The following CTNNAL1 variants were observed in gnomAD, a reference collection of about 807,000 sequenced individuals.
The protein encoded by CTNNAL1 is alpha-catulin.
Under a neutral mutation model 93.6 loss-of-function variants are expected in CTNNAL1, and 69 were observed. The ratio of observed to expected loss-of-function variants is 0.74; its 90% CI spans 0.61 to 0.90. The LOEUF (loss-of-function observed/expected upper bound fraction) is 0.90, where lower values mean the gene tolerates loss of function less well. Ranked by LOEUF, CTNNAL1 falls within the 40% of genes least tolerant of loss-of-function variation. The probability of loss-of-function intolerance (pLI) is 0.00; values close to 1 mark genes in which losing one functional copy is unlikely to be tolerated. For synonymous variants in CTNNAL1, 286 were observed against 305.4 expected, an observed-to-expected ratio of 0.94 and a Z score of 0.66; for missense variants, 836 against 862.0, an observed-to-expected ratio of 0.97 and a Z score of 0.38.
intron 1 of CTNNAL1, among the ~76,000 whole-genome samples, chr9:109,005,263 G>GA (rs990286747): frequency 4.0e-4 from 58 of 146,402 alleles, no homozygotes; most frequent in Middle Eastern, 3.5e-3. Flanking sequence ...ACTATCACAT[G>GA]AAAAAAAAAA....
chr9:108,993,596 C>T (rs535481995), intron 2 of CTNNAL1, among the ~76,000 whole-genome samples: 3 of 152,286 alleles, frequency 2.0e-5, no homozygotes, highest in East Asian at 1.9e-4. Context: ...TTCACTGTTG[C>T]TATCAAAACT....
At chr9:108,967,446 T>C (rs1326140730) in intron 10 of CTNNAL1, among the ~76,000 whole-genome samples, 1 of 152,188 alleles carries the variant, frequency 6.6e-6, no homozygotes, top group Non-Finnish European at 1.5e-5. Context: ...TAGTAGGCAC[T>C]GTGCCCACGT....
At chr9:108,972,868 G>GGGGGGGGGGGCCCCCCCCCCCGGC in intron 8 of CTNNAL1, 35 bp from the exon 9 acceptor site, 1 of 1,092,792 alleles carries the variant, frequency 9.2e-7, no homozygotes, top group East Asian at 3.3e-5. Flanking sequence ...GGGTGGGAGG[G>GGGGGGGGGGGCCCCCCCCCCCGGC]TGGAGAAGGA....
chr9:108,981,085 G>A (rs1027274981), intron 6 of CTNNAL1, among the ~76,000 whole-genome samples: 3 of 152,256 alleles, frequency 2.0e-5, no homozygotes, highest in African/African-American at 7.2e-5. Context: ...TGGCGAGAGG[G>A]CAGCAGCCAG....
At chr9:109,000,272 A>C (rs1392808198) in intron 1 of CTNNAL1, among the ~76,000 whole-genome samples, 3 of 152,314 alleles carry the variant, frequency 2.0e-5, no homozygotes, top group East Asian at 1.9e-4. Flanking sequence ...GTTCCTAAGG[A>C]TGTATCAGTG....
chr9:109,007,127 T>G (rs969150352), intron 1 of CTNNAL1, among the ~76,000 whole-genome samples: 1 of 151,422 alleles, frequency 6.6e-6, no homozygotes, highest in Non-Finnish European at 1.5e-5. Flanking sequence ...CCCAACTACT[T>G]GGGAGGCAGA....
At chr9:108,988,507 T>C (rs1355839475) in intron 4 of CTNNAL1, among the ~76,000 whole-genome samples, 3 of 152,200 alleles carry the variant, frequency 2.0e-5, no homozygotes, top group African/African-American at 4.8e-5. Context: ...ATTCTCAACA[T>C]GGCAGCTAGA....
rs112976880 is a variant in CTNNAL1 at position 108,984,995 on chromosome 9, C to G, written c.640-559G>C. Among the ~76,000 whole-genome samples, 394 of 152,254 alleles carry G rather than the reference C, an allele frequency of 2.6e-3. 2 individuals carry two copies. Among genetic ancestry groups the G allele is most frequent in the African/African-American group, 8.9e-3 (371 of 41,536 alleles). On this transcript the variant is annotated intron_variant, in intron 4 of 18. Transcript: ENST00000325551. Reference sequence around the variant, plus strand: ...TTCTTGGGTAGATAATTTTCCCCAACAAGATTGAAAAGGAACACCTAAGAA... The same window carrying G: ...TTCTTGGGTAGATAATTTTCCCCAAGAAGATTGAAAAGGAACACCTAAGAA...
At chr9:108,972,864 G>GGGGGGGGGGGGGGGGCCCCCCCCCCCCCC in intron 8 of CTNNAL1, 31 bp from the exon 9 acceptor site, 1 of 142,578 alleles carries the variant, frequency 7.0e-6, no homozygotes, top group Non-Finnish European at 1.0e-5. Context: ...GGGGGGGTGG[G>GGGGGGGGGGGGGGGGCCCCCCCCCCCCCC]AGGGTGGAGA....
At position 108,984,340 on chromosome 9, in the gene CTNNAL1, G is replaced by A; in HGVS notation, c.729+7C>T. ...TTTATTACACAGTAAAACCAAAATT[G>A]TCTTACCTTTGAAGCTGTGAGAAGC... On this transcript the variant is annotated splice_region_variant and intron_variant, in intron 5 of 18. Coordinates refer to ENST00000325551, the MANE Select transcript of CTNNAL1 (RefSeq NM_003798.4). 1.3e-6 allele frequency: 2 copies of A among 1,558,226 alleles called. No individual in the cohort carries two copies. Among genetic ancestry groups the A allele is most frequent in the Non-Finnish European group, 1.8e-6 (2 of 1,132,346 alleles).
chr9:109,010,534 C>T (rs72758396), intron 1 of CTNNAL1, among the ~76,000 whole-genome samples: 18,766 of 152,182 alleles, frequency 0.12, 1,532 homozygotes, highest in Middle Eastern at 0.19. Context: ...TCTGTAGATA[C>T]TCTATCAGGT....
Position 108,992,645 on chromosome 9 carries a change from G to A in CTNNAL1, c.506C>T (p.Thr169Ile), listed in dbSNP as rs767870415. The A allele has an allele frequency of 6.2e-7, 1 of 1,610,214 alleles. No homozygotes were observed. Among genetic ancestry groups the A allele is most frequent in the South Asian group, 1.1e-5 (1 of 90,252 alleles). The change falls in exon 3 of 19, where the codon ACA (threonine) becomes ATA (isoleucine). Residue 169 changes from threonine (T) to isoleucine (I), a missense_variant. Transcript: ENST00000325551. The stretch of plus-strand genomic sequence containing the variant: ...AAAGGTAAGTACCTTATTTCTTGAT[G>A]TTATTATCTGTTTAATGACTACTCG... ...ADRVVIKQII[T>I]SRNKVLATME...
At chr9:108,964,711 A>G (rs934894862) in intron 11 of CTNNAL1, among the ~76,000 whole-genome samples, 2 of 152,194 alleles carry the variant, frequency 1.3e-5, no homozygotes, top group South Asian at 2.1e-4. Flanking sequence ...GAATTAAAAC[A>G]TAGAATTACT....
intron 8 of CTNNAL1, 31 bp from the exon 9 acceptor site, chr9:108,972,864 G>GGGGGGGGGGGGCCCCCCCCCCCC: frequency 8.4e-5 from 12 of 142,518 alleles, no homozygotes; most frequent in African/African-American, 1.9e-4. Context: ...GGGGGGGTGG[G>GGGGGGGGGGGGCCCCCCCCCCCC]AGGGTGGAGA....
chr9:108,953,211 C>T (rs1181902755), intron 12 of CTNNAL1, among the ~76,000 whole-genome samples: 1 of 152,190 alleles, frequency 6.6e-6, no homozygotes, highest in Admixed American at 6.5e-5. Flanking sequence ...TTAGACCAGG[C>T]TAGTCCACTG....
At chr9:109,012,487 C>T (rs2132230861) in intron 1 of CTNNAL1, among the ~76,000 whole-genome samples, 1 of 152,308 alleles carries the variant, frequency 6.6e-6, no homozygotes, top group African/African-American at 2.4e-5. Context: ...TGGCATCTTA[C>T]CACAGACCTA....
At chr9:108,977,096 T>C in intron 7 of CTNNAL1, 48 bp from the exon 8 acceptor site, 2 of 806,128 alleles carry the variant, frequency 2.5e-6, no homozygotes, top group Non-Finnish European at 3.8e-6. Context: ...ATCTCTTTAA[T>C]CTGTTAATTA....
chr9:108,984,995 C>T (rs112976880), intron 4 of CTNNAL1, among the ~76,000 whole-genome samples: 1 of 152,138 alleles, frequency 6.6e-6, no homozygotes, highest in Non-Finnish European at 1.5e-5. Context: ...TTTTCCCCAA[C>T]AAGATTGAAA....
At chr9:108,971,478 T>G (rs1197646844) in intron 9 of CTNNAL1, among the ~76,000 whole-genome samples, 1 of 152,208 alleles carries the variant, frequency 6.6e-6, no homozygotes, top group African/African-American at 2.4e-5. Flanking sequence ...CGGGACCAGG[T>G]GGAAGTAACT....
Sources: allele counts gnomAD v4.1 joint callset (sites outside exome capture counted in the v4.1 genomes callset), GRCh38; gene constraint gnomAD v4.1.1; transcripts MANE v1.5; gene names NCBI Gene and HGNC (gene_info 2026-07-23, HGNC 2026-07-21).